Variants in ARHGEF28 observed in about 807,000 individuals in gnomAD.
ARHGEF28 encodes the protein Rho guanine nucleotide exchange factor 28.
A neutral mutation model predicts 206.6 loss-of-function variants in ARHGEF28; 152 were observed. The ratio of observed to expected loss-of-function variants is 0.74; its 90% CI spans 0.64 to 0.84. The LOEUF (loss-of-function observed/expected upper bound fraction) is 0.84. Among genes scored for constraint, ARHGEF28 ranks in the 40% least tolerant of loss-of-function variants. The probability of loss-of-function intolerance (pLI) is 0.00; values close to 1 mark genes in which losing one functional copy is unlikely to be tolerated. For missense variants in ARHGEF28, 2,028 were observed against 2,073.2 expected (o/e 0.98, Z 0.42); for synonymous variants, 763 against 776.4 (o/e 0.98, Z 0.29).
chr5:73,812,376 T>A (rs1755893847), intron 9 of ARHGEF28, among the ~76,000 whole-genome samples: 1 of 152,228 alleles, frequency 6.6e-6, no homozygotes, highest in Non-Finnish European at 1.5e-5. Flanking sequence ...TAATGGATCC[T>A]CATATTGTAT....
At chr5:73,896,090 T>G (rs563175761) in intron 29 of ARHGEF28, among the ~76,000 whole-genome samples, 10 of 152,200 alleles carry the variant, frequency 6.6e-5, no homozygotes, top group African/African-American at 2.4e-4. Flanking sequence ...AGACAATACT[T>G]ACGGAAAAAA....
intron 21 of ARHGEF28, among the ~76,000 whole-genome samples, chr5:73,871,679 A>C (rs1034305663): frequency 6.6e-6 from 1 of 152,188 alleles, no homozygotes; most frequent in African/African-American, 2.4e-5. Flanking sequence ...ATATTCACGA[A>C]GTTGTGTAGC....
At chr5:73,752,880 G>T (rs1401149982) in intron 3 of ARHGEF28, 29 bp from the exon 4 acceptor site, 4 of 1,612,174 alleles carry the variant, frequency 2.5e-6, no homozygotes. Flanking sequence ...ACAGACTTGG[G>T]GTGAACTGTT....
chr5:73,847,718 T>C (rs1336320859), intron 12 of ARHGEF28, among the ~76,000 whole-genome samples: 2 of 152,238 alleles, frequency 1.3e-5, no homozygotes, highest in African/African-American at 2.4e-5. Context: ...AATTAACCAG[T>C]ATAACTTTTT....
intron 2 of ARHGEF28, among the ~76,000 whole-genome samples, chr5:73,738,308 T>C (rs1751142590): frequency 6.6e-6 from 1 of 152,186 alleles, no homozygotes; most frequent in South Asian, 2.1e-4. Flanking sequence ...ATCAAGGTTA[T>C]GGGTCTTCAG....
chr5:73,793,245 T>C (rs1192302575), intron 7 of ARHGEF28, among the ~76,000 whole-genome samples: 2 of 152,234 alleles, frequency 1.3e-5, no homozygotes, highest in Non-Finnish European at 2.9e-5. Context: ...CAAGGATTGT[T>C]GGTTTCTCTG....
intron 13 of ARHGEF28, among the ~76,000 whole-genome samples, chr5:73,851,107 G>A (rs1438846198): frequency 6.6e-6 from 1 of 152,146 alleles, no homozygotes; most frequent in Admixed American, 6.5e-5. Flanking sequence ...GTGAAAGCTT[G>A]CCTAATGCAA....
intron 11 of ARHGEF28, among the ~76,000 whole-genome samples, chr5:73,846,000 A>G (rs1428042400): frequency 2.6e-5 from 4 of 151,422 alleles, no homozygotes; most frequent in South Asian, 4.2e-4. Context: ...AAAAAAAAAA[A>G]AAAAAAAAAA....
rs1040068712 is a variant in ARHGEF28, at chr5:73,898,869, A to G, written c.3973+776A>G. On this transcript the variant is annotated intron_variant, in intron 30 of 35. Transcript: ENST00000513042. ...TTTTCATCCTGTGCAGGTGGTAACA[A>G]CCTTACTTCCACAAGGTCTTATGTG... 8.5e-5 allele frequency: 13 copies of G among 152,210 alleles called. 1 individual carries two copies. Among genetic ancestry groups the G allele is most frequent in the Admixed American group, 7.9e-4 (12 of 15,278 alleles). 9.4% of individuals were successfully genotyped at this position (152,210 alleles called of 1,614,324 possible).
rs1224063681 is a variant in ARHGEF28, at chr5:73,882,600, T to C, written c.2937+6T>C. 4 of 1,479,294 alleles carry C rather than the reference T, an allele frequency of 2.7e-6. No homozygotes were observed. The highest frequency in any genetic ancestry group is 3.6e-6 in the Non-Finnish European group (4 of 1,108,826). The allele number at this position is 1,479,294 out of a possible 1,614,324, so 91.6% of individuals were successfully genotyped here. On this transcript the variant is annotated splice_donor_region_variant and intron_variant, in intron 23 of 35. Coordinates refer to ENST00000513042, the MANE Select transcript of ARHGEF28 (RefSeq NM_001177693.2). The stretch of plus-strand genomic sequence containing the variant: ...AGTTTCAGAATTTTATTAAGGCAAG[T>C]ATTTTAAAACTTTATTACAAAGTGA...
intron 34 of ARHGEF28, among the ~76,000 whole-genome samples, chr5:73,910,543 C>A (rs925601110): frequency 6.6e-6 from 1 of 152,068 alleles, no homozygotes; most frequent in Non-Finnish European, 1.5e-5. Flanking sequence ...TCACTGCGAG[C>A]GTGCTCTTTT....
Position 73,923,497 on chromosome 5 carries a change from A to G in ARHGEF28, c.4948+11922A>G, listed in dbSNP as rs565922837. ...GCAAGACTACAGAGGGTTTTTTTCA[A>G]ATGCTGCTGCCCAGTAAATTAAAAT... On this transcript the variant is annotated intron_variant, in intron 35 of 35. Coordinates refer to ENST00000513042, the MANE Select transcript of ARHGEF28 (RefSeq NM_001177693.2). Among the ~76,000 whole-genome samples the G allele has an allele frequency of 1.2e-4, 16 of 136,956 alleles. No individual in the cohort carries two copies. The East Asian group carries it at 2.6e-3, about 22-fold the overall frequency. 89.8% of individuals were successfully genotyped at this position (136,956 alleles called of 152,430 possible).
chr5:73,801,242 C>G (rs1490060857), intron 9 of ARHGEF28, among the ~76,000 whole-genome samples: 3 of 151,848 alleles, frequency 2.0e-5, no homozygotes, highest in Admixed American at 1.3e-4. Context: ...GTCGGGAGAT[C>G]GAGACCATCC....
intron 1 of ARHGEF28, among the ~76,000 whole-genome samples, chr5:73,636,785 C>T (rs1307545676): frequency 1.3e-5 from 2 of 152,168 alleles, no homozygotes; most frequent in African/African-American, 4.8e-5. Context: ...ACCCAAGGGG[C>T]CAGGGTCAGA....
intron 7 of ARHGEF28, 99 bp downstream of exon 7, chr5:73,780,844 A>C: frequency 7.4e-7 from 1 of 1,344,406 alleles, no homozygotes; most frequent in African/African-American, 1.5e-5. Context: ...GCCAGGAATC[A>C]AGGGGCTCAG....
intron 7 of ARHGEF28, among the ~76,000 whole-genome samples, chr5:73,785,471 A>G (rs1230804393): frequency 6.6e-6 from 1 of 152,128 alleles, no homozygotes; most frequent in Non-Finnish European, 1.5e-5. Flanking sequence ...AGTAATGCGC[A>G]CACCAGAGAA....
At chr5:73,884,728 A>G (rs1186845067) in intron 24 of ARHGEF28, among the ~76,000 whole-genome samples, 1 of 152,224 alleles carries the variant, frequency 6.6e-6, no homozygotes, top group African/African-American at 2.4e-5. Context: ...ATTACCTTTC[A>G]GTTCCAGTTG....
At chr5:73,645,590 A>G (rs953461862) in intron 1 of ARHGEF28, among the ~76,000 whole-genome samples, 1 of 152,244 alleles carries the variant, frequency 6.6e-6, no homozygotes, top group African/African-American at 2.4e-5. Context: ...CCTTCCTCAG[A>G]AAACATGATA....
chr5:73,752,831 G>A (rs1347241367), intron 3 of ARHGEF28, 78 bp from the exon 4 acceptor site: 19 of 1,519,848 alleles, frequency 1.3e-5, no homozygotes, highest in Admixed American at 3.7e-5. Context: ...AAGCTATGTG[G>A]TGGGGCTAGC....
Sources: allele counts gnomAD v4.1 joint callset (sites outside exome capture counted in the v4.1 genomes callset), GRCh38; gene constraint gnomAD v4.1.1; transcripts MANE v1.5; gene names NCBI Gene and HGNC (gene_info 2026-07-23, HGNC 2026-07-21).